MAP3K1: variants seen among roughly 807,000 people sequenced by gnomAD.
MAP3K1 encodes mitogen-activated protein kinase kinase kinase 1, also known as MAP/ERK kinase kinase 1.
In MAP3K1, 36 loss-of-function variants were observed where a neutral mutation model predicts 144.2. The observed-to-expected ratio is 0.25, with a 90% CI of 0.19 to 0.33. The LOEUF is 0.33. Among genes scored for constraint, MAP3K1 ranks in the 10% least tolerant of loss-of-function variants. The probability of loss-of-function intolerance (pLI) is 1.00; values close to 1 mark genes in which losing one functional copy is unlikely to be tolerated. For missense variants in MAP3K1, 1,650 were observed against 1,881.9 expected, an observed-to-expected ratio of 0.88 and a Z score of 2.28; for synonymous variants, 718 against 688.7, an observed-to-expected ratio of 1.04 and a Z score of -0.67.
At chr5:56,893,027 A>G (rs1055300813) in intron 19 of MAP3K1, among the ~76,000 whole-genome samples, 12 of 152,170 alleles carry the variant, frequency 7.9e-5, no homozygotes, top group Admixed American at 6.5e-5. Flanking sequence ...GTTATTCTTC[A>G]TAGTGTATTT....
At chr5:56,830,231 A>G (rs531958266) in intron 1 of MAP3K1, among the ~76,000 whole-genome samples, 1 of 152,324 alleles carries the variant, frequency 6.6e-6, no homozygotes, top group South Asian at 2.1e-4. Flanking sequence ...TTTGCAGATT[A>G]TAATTGTGAA....
chr5:56,871,741 T>A (rs1274768338), intron 6 of MAP3K1, among the ~76,000 whole-genome samples, 169 bp from the exon 7 acceptor site: 2 of 152,198 alleles, frequency 1.3e-5, no homozygotes, highest in Non-Finnish European at 2.9e-5. Context: ...TTAATCTGAT[T>A]TTAAATTACT....
At chr5:56,883,006 A>T in intron 14 of MAP3K1, 140 bp downstream of exon 14, 1 of 687,196 alleles carries the variant, frequency 1.5e-6, no homozygotes, top group Non-Finnish European at 2.4e-6. Context: ...CTGGTCAACA[A>T]AGCAAGACCC....
chr5:56,837,902 T>G (rs558182962), intron 1 of MAP3K1, among the ~76,000 whole-genome samples: 1 of 152,292 alleles, frequency 6.6e-6, no homozygotes, highest in African/African-American at 2.4e-5. Context: ...TGGGGGAGGC[T>G]GAAGGCAGCA....
intron 5 of MAP3K1, among the ~76,000 whole-genome samples, 155 bp downstream of exon 5, chr5:56,865,611 T>C (rs1272019657): frequency 2.6e-5 from 4 of 151,904 alleles, no homozygotes; most frequent in Non-Finnish European, 5.9e-5. Context: ...TCATGAGATA[T>C]TTACTAAACT....
intron 1 of MAP3K1, chr5:56,842,204 T>C (rs967340361): frequency 6.6e-6 from 1 of 152,246 alleles, no homozygotes; most frequent in African/African-American, 2.4e-5. Flanking sequence ...CTAGTCAACA[T>C]TGTTACCTTC....
chr5:56,893,827 A>AT lies in MAP3K1; in HGVS notation c.*149dup. On this transcript the variant is annotated 3_prime_UTR_variant, in exon 20 of 20. Transcript: ENST00000399503. The stretch of plus-strand genomic sequence containing the variant: ...TGGGGAACCCTTACCTAAGTATGTG[A>AT]TTGACAAATCATGATCTGTACCTAA... 1 of 821,738 alleles carries AT rather than the reference A, an allele frequency of 1.2e-6. No individual in the cohort carries two copies. 50.9% of individuals were successfully genotyped at this position (821,738 alleles called of 1,614,324 possible).
rs1437010205 is a variant in MAP3K1 at position 56,860,703 on chromosome 5, AT to A, written c.834+790del. Among the ~76,000 whole-genome samples the A allele has an allele frequency of 1.4e-4, 22 of 151,996 alleles. 1 individual carries two copies. Among genetic ancestry groups the A allele is most frequent in the Admixed American group, 1.2e-3 (18 of 15,268 alleles). ...CCTCATCTCTACTAAAAATACAGAAATTAGCCAGGCATGGTGGCAGATGCCT... is the reference window on the plus strand; with the variant it reads ...CCTCATCTCTACTAAAAATACAGAAATAGCCAGGCATGGTGGCAGATGCCT... On this transcript the variant is annotated intron_variant, in intron 3 of 19. Coordinates refer to ENST00000399503, the MANE Select transcript of MAP3K1 (RefSeq NM_005921.2).
intron 3 of MAP3K1, among the ~76,000 whole-genome samples, chr5:56,863,916 C>T (rs1022838187): frequency 2.6e-5 from 4 of 152,084 alleles, no homozygotes; most frequent in African/African-American, 7.3e-5. Context: ...ACCCTAGGAG[C>T]GTTTTTGTCA....
At chr5:56,816,174 C>T (rs2111729663) in intron 1 of MAP3K1, 119 bp downstream of exon 1, 4 of 1,045,352 alleles carry the variant, frequency 3.8e-6, no homozygotes, top group South Asian at 9.6e-5. Context: ...ACGCGCCGCT[C>T]GCCGGGACCT....
rs832583 is a variant in MAP3K1 at position 56,882,390 on chromosome 5, A to C, written c.3190A>C (p.Arg1064=). The change falls in exon 14 of 20, where the codon AGA becomes CGA. Residue 1064 remains arginine (R), a synonymous_variant. Transcript: ENST00000399503. ...SSNIHRPKPS[R]PTPGNTSKQG... is the part of the protein sequence containing the mutation. ...TAACATACACAGGCCAAAGCCATCT[A>C]GACCTACCCCAGGTAATACAAGTAA... The C allele has an allele frequency of 0.8, 1,292,495 of 1,613,798 alleles. 520,793 individuals carry two copies. Among genetic ancestry groups the C allele is most frequent in the Non-Finnish European group, 0.82 (972,450 of 1,179,880 alleles).
chr5:56,887,000 C>T lies in MAP3K1; in HGVS notation c.4115-378C>T, dbSNP rs185066626. Among the ~76,000 whole-genome samples the T allele has an allele frequency of 7.5e-4, 114 of 152,186 alleles. 2 individuals carry two copies. The highest frequency in any genetic ancestry group is 5.6e-4 in the Non-Finnish European group (38 of 68,000). ...CTGGTCTTGAACTCCTGGGCTCAAG[C>T]GACCCGCTTGCCTCAGCCTCCCACA... On this transcript the variant is annotated intron_variant, in intron 17 of 19. Transcript: ENST00000399503.
chr5:56,877,506 C>A (rs1748075538), intron 10 of MAP3K1, among the ~76,000 whole-genome samples: 1 of 135,326 alleles, frequency 7.4e-6, no homozygotes, highest in Non-Finnish European at 1.6e-5. Context: ...CCTCTCCCTC[C>A]CTCTGCATAT....
At position 56,815,592 on chromosome 5, in the gene MAP3K1, A is replaced by T; in HGVS notation, c.19A>T (p.Asn7Tyr). The T allele has an allele frequency of 7.7e-7, 1 of 1,294,366 alleles. No homozygotes were observed. Among genetic ancestry groups the T allele is most frequent in the Non-Finnish European group, 9.8e-7 (1 of 1,024,030 alleles). The allele number at this position is 1,294,366 out of a possible 1,614,324, so 80.2% of individuals were successfully genotyped here. The change falls in exon 1 of 20, where the codon AAT becomes TAT. Residue 7 changes from asparagine to tyrosine, a missense_variant. Transcript: ENST00000399503. Reference sequence around the variant, plus strand: ...AGAGAAAATGGCGGCGGCGGCGGGGAATCGCGCCTCGTCGTCGGGATTCCC... The same window carrying T: ...AGAGAAAATGGCGGCGGCGGCGGGGTATCGCGCCTCGTCGTCGGGATTCCC... Reference protein sequence around the residue: MAAAAGNRASSSGFPGA... With the variant: MAAAAGYRASSSGFPGA...
At chr5:56,840,613 GA>G (rs1186039729) in intron 1 of MAP3K1, among the ~76,000 whole-genome samples, 1 of 152,114 alleles carries the variant, frequency 6.6e-6, no homozygotes, top group African/African-American at 2.4e-5. Flanking sequence ...TTAAAAAACA[GA>G]AAACCCTAAC....
chr5:56,832,812 TTATC>T (rs984921373), intron 1 of MAP3K1, among the ~76,000 whole-genome samples: 12 of 152,246 alleles, frequency 7.9e-5, no homozygotes, highest in African/African-American at 1.7e-4. Flanking sequence ...TTAAATTAAA[TTATC>T]TATTTAGGTC....
intron 14 of MAP3K1, 101 bp from the exon 15 acceptor site, chr5:56,883,426 G>C (rs1748287446): frequency 9.0e-7 from 1 of 1,111,500 alleles, no homozygotes; most frequent in African/African-American, 1.5e-5. Context: ...ATTTATAGGT[G>C]GTTTGGGAAG....
In MAP3K1 at chr5:56,886,062, A is replaced by G. The variant is rs766775834; in HGVS notation, c.4113A>G (p.Lys1371=). ...ACCAAATCATTCACAGAGATGTCAA[A>G]GGTGAGAATTCTTCTAATTATTATC... ...HENQIIHRDV[K]GANLLIDSTG... The change falls in exon 17 of 20, where the codon AAA becomes AAG. Residue 1371 remains lysine, a splice_region_variant and synonymous_variant. Transcript: ENST00000399503. 3.1e-6 allele frequency: 5 copies of G among 1,611,662 alleles called. No individual in the cohort carries two copies. The highest frequency in any genetic ancestry group is 3.4e-6 in the Non-Finnish European group (4 of 1,177,950).
Position 56,893,738 on chromosome 5 carries a change from T to C in MAP3K1, c.*58T>C. ...GATGCTCAACAAGAGAAAAAAAACT[T>C]GTGGGGAACCACATTGATATTCTAC... On this transcript the variant is annotated 3_prime_UTR_variant, in exon 20 of 20. Transcript: ENST00000399503. The C allele has an allele frequency of 6.3e-7, 1 of 1,584,148 alleles. No individual in the cohort carries two copies. The highest frequency in any genetic ancestry group is 8.6e-7 in the Non-Finnish European group (1 of 1,157,640).
Sources: allele counts gnomAD v4.1 joint callset (sites outside exome capture counted in the v4.1 genomes callset), GRCh38; gene constraint gnomAD v4.1.1; transcripts MANE v1.5; gene names NCBI Gene and HGNC (gene_info 2026-07-23, HGNC 2026-07-21).